The following CPEB1 variants were observed in gnomAD, a reference collection of about 807,000 sequenced individuals.
CPEB1 encodes cytoplasmic polyadenylation element binding protein 1, also known as cytoplasmic polyadenylation element-binding protein 1.
A neutral mutation model predicts 65.8 loss-of-function variants in CPEB1; 7 were observed. That is an observed-to-expected ratio of 0.11 (90% CI 0.06 to 0.20). The LOEUF is 0.20. Among genes scored for constraint, CPEB1 ranks in the 10% least tolerant of loss-of-function variants. The pLI is 1.00. For synonymous variants in CPEB1, 262 were observed against 260.0 expected, an observed-to-expected ratio of 1.01 and a Z score of -0.08; for missense variants, 551 against 712.2, an observed-to-expected ratio of 0.77 and a Z score of 2.58.
At chr15:82,547,906 CA>C (rs2035546898) in intron 10 of CPEB1, among the ~76,000 whole-genome samples, 1 of 152,118 alleles carries the variant, frequency 6.6e-6, no homozygotes, top group Non-Finnish European at 1.5e-5. Context: ...CTCCTGGACT[CA>C]AACGATCTGC....
At chr15:82,574,163 C>T (rs766652868) in intron 3 of CPEB1, among the ~76,000 whole-genome samples, 8 of 152,206 alleles carry the variant, frequency 5.3e-5, no homozygotes, top group Non-Finnish European at 7.3e-5. Context: ...TCACCTTCCT[C>T]CTTATCCAGA....
At chr15:82,628,056 G>A (rs2045921668) in intron 2 of CPEB1, 2 of 614,128 alleles carry the variant, frequency 3.3e-6, no homozygotes, top group Admixed American at 5.8e-5. Context: ...CATTACACAT[G>A]CTACTCTACA....
At chr15:82,549,367 G>A in intron 10 of CPEB1, 93 bp downstream of exon 10, 1 of 1,325,790 alleles carries the variant, frequency 7.5e-7, no homozygotes. Context: ...ACCTGGGTCA[G>A]GCCTCTCTCC....
chr15:82,628,474 A>C lies in CPEB1; in HGVS notation c.-15T>G. 1.4e-6 allele frequency: 1 copy of C among 702,812 alleles called. No homozygotes were observed. Among genetic ancestry groups the C allele is most frequent in the Non-Finnish European group, 2.6e-6 (1 of 384,964 alleles). The allele number at this position is 702,812 out of a possible 1,614,324, so 43.5% of individuals were successfully genotyped here. On this transcript the variant is annotated 5_prime_UTR_variant, in exon 2 of 13. Coordinates refer to ENST00000684509, the MANE Select transcript of CPEB1 (RefSeq NM_001365242.1). Reference sequence around the variant, plus strand: ...CCAGAAAACATATTGACATTAGATGATCTGGCAAAAGGGTTCCGATTATTC... The same window carrying C: ...CCAGAAAACATATTGACATTAGATGCTCTGGCAAAAGGGTTCCGATTATTC...
chr15:82,647,843 G>C, upstream of CPEB1: 1 of 1,277,840 alleles, frequency 7.8e-7, no homozygotes, highest in Non-Finnish European at 9.9e-7. Context: ...GGCGAGCGGC[G>C]GGTGGCTCTT....
intron 4 of CPEB1, among the ~76,000 whole-genome samples, chr15:82,570,084 T>C (rs79373403): frequency 0.018 from 2,686 of 152,298 alleles, 30 homozygotes; most frequent in Non-Finnish European, 0.025. Flanking sequence ...CAGAGATAGT[T>C]ACTTAAGGTA....
At chr15:82,648,121 G>T (rs1293680171), upstream of CPEB1, 2 of 360,432 alleles carry the variant, frequency 5.5e-6, no homozygotes, top group Non-Finnish European at 5.0e-6. Flanking sequence ...AGCCGAGGAG[G>T]GCTCCGCCGC....
Position 82,647,227 on chromosome 15 carries a change from G to A in CPEB1, c.-188C>T, listed in dbSNP as rs1277475477. Reference sequence around the variant, plus strand: ...ACACTACCTGGCCAGCCCCGCCCCCGAGACTCCCTCTCCGGCGCCAAGCGA... The same window carrying A: ...ACACTACCTGGCCAGCCCCGCCCCCAAGACTCCCTCTCCGGCGCCAAGCGA... On this transcript the variant is annotated 5_prime_UTR_variant, in exon 1 of 13. Transcript: ENST00000684509. The A allele has an allele frequency of 6.6e-6, 1 of 152,180 alleles. No homozygotes were observed. The highest frequency in any genetic ancestry group is 1.5e-5 in the Non-Finnish European group (1 of 68,024). The allele number at this position is 152,180 out of a possible 1,614,324, so 9.4% of individuals were successfully genotyped here. A position where few individuals can be genotyped will look rare whatever the true frequency, so the allele number is the denominator to read the frequency against.
chr15:82,543,357 A>G lies in CPEB1; in HGVS notation c.*1235T>C, dbSNP rs1309939370. The G allele has an allele frequency of 1.3e-5, 2 of 152,158 alleles. No homozygotes were observed. The highest frequency in any genetic ancestry group is 4.8e-5 in the African/African-American group (2 of 41,254). The allele number at this position is 152,158 out of a possible 1,614,324, so 9.4% of individuals were successfully genotyped here. Reference sequence around the variant, plus strand: ...CACAGAGTAGCTGGGATATGCAACAATGCAACGTCAGCTCAGCAGGAGGGA... The same window carrying G: ...CACAGAGTAGCTGGGATATGCAACAGTGCAACGTCAGCTCAGCAGGAGGGA... On this transcript the variant is annotated 3_prime_UTR_variant, in exon 13 of 13. Coordinates refer to ENST00000684509, the MANE Select transcript of CPEB1 (RefSeq NM_001365242.1).
chr15:82,625,887 G>A (rs1440776120), intron 3 of CPEB1, among the ~76,000 whole-genome samples: 2 of 152,142 alleles, frequency 1.3e-5, no homozygotes, highest in Admixed American at 6.5e-5. Flanking sequence ...GGGAGGCCGA[G>A]GTGGGTGGAT....
chr15:82,643,394 G>A (rs2047253779), intron 1 of CPEB1, among the ~76,000 whole-genome samples: 1 of 152,186 alleles, frequency 6.6e-6, no homozygotes. Flanking sequence ...CACTGTGGGA[G>A]GCTGAGGCGG....
At chr15:82,592,708 G>A (rs115933610) in intron 3 of CPEB1, among the ~76,000 whole-genome samples, 3,365 of 151,798 alleles carry the variant, frequency 0.022, 127 homozygotes, top group African/African-American at 0.076. Flanking sequence ...CAATTGGGCC[G>A]GGCGCGGTGG....
chr15:82,627,377 GA>G lies in CPEB1; in HGVS notation c.97-11del, dbSNP rs753113802. 3.2e-5 allele frequency: 51 copies of G among 1,571,376 alleles called. No homozygotes were observed. The highest frequency in any genetic ancestry group is 1.3e-4 in the South Asian group (11 of 84,822). ...TTCCTGCTTCTTCTTCCTAGACACA[GA>G]AAAAAAAAGATATTTAGGTTTTCTA... On this transcript the variant is annotated splice_polypyrimidine_tract_variant and intron_variant, in intron 2 of 12. Transcript: ENST00000684509.
At chr15:82,569,490 C>T (rs990737766) in intron 4 of CPEB1, among the ~76,000 whole-genome samples, 9 of 152,336 alleles carry the variant, frequency 5.9e-5, no homozygotes, top group African/African-American at 2.2e-4. Flanking sequence ...TAATATTTAT[C>T]ACTAAAGTGC....
intron 4 of CPEB1, among the ~76,000 whole-genome samples, chr15:82,565,285 C>A (rs1455405016): frequency 6.6e-6 from 1 of 152,064 alleles, no homozygotes; most frequent in Non-Finnish European, 1.5e-5. Flanking sequence ...GCAGCAAAGA[C>A]AATGGAAAGA....
rs797019601 is a variant in CPEB1 at position 82,590,314 on chromosome 15, A to T, written c.272-18782T>A. Among the ~76,000 whole-genome samples, 5 of 151,514 alleles carry T rather than the reference A, an allele frequency of 3.3e-5. No individual in the cohort carries two copies. In the South Asian group the frequency reaches 1.0e-3, roughly 31 times the overall value. On this transcript the variant is annotated intron_variant, in intron 3 of 12. Coordinates refer to ENST00000684509, the MANE Select transcript of CPEB1 (RefSeq NM_001365242.1). The stretch of plus-strand genomic sequence containing the variant: ...GTTAACCTTCTGTTACCCATTACAC[A>T]TATTTTTTCCTCCTTGGTCACATAT...
chr15:82,582,705 T>C (rs1055276369), intron 3 of CPEB1, among the ~76,000 whole-genome samples: 6 of 151,422 alleles, frequency 4.0e-5, no homozygotes, highest in Admixed American at 2.6e-4. Flanking sequence ...CCCCATACTG[T>C]GTACTAAACC....
intron 3 of CPEB1, among the ~76,000 whole-genome samples, chr15:82,620,396 G>C (rs1035153401): frequency 2.7e-5 from 4 of 149,378 alleles, no homozygotes; most frequent in Non-Finnish European, 5.9e-5. Context: ...CTGCACTGTA[G>C]TCTGGGCGAC....
intron 1 of CPEB1, among the ~76,000 whole-genome samples, chr15:82,640,359 T>C (rs1441099422): frequency 1.3e-5 from 2 of 152,208 alleles, no homozygotes; most frequent in Non-Finnish European, 2.9e-5. Context: ...TATACTCATA[T>C]GTGCTCATTT....
Sources: allele counts gnomAD v4.1 joint callset (sites outside exome capture counted in the v4.1 genomes callset), GRCh38; gene constraint gnomAD v4.1.1; transcripts MANE v1.5; gene names NCBI Gene and HGNC (gene_info 2026-07-23, HGNC 2026-07-21).